NTM: variants seen among roughly 807,000 people sequenced by gnomAD.
NTM encodes IgLON family member 2.
NTM carries 13 observed loss-of-function variants against 42.1 expected under a neutral mutation model. That is an observed-to-expected ratio of 0.31 (90% CI 0.20 to 0.49). The LOEUF (loss-of-function observed/expected upper bound fraction) is 0.49. Ranked by LOEUF, NTM falls within the 20% of genes least tolerant of loss-of-function variation. The probability of loss-of-function intolerance (pLI) is 0.99; values close to 1 mark genes in which losing one functional copy is unlikely to be tolerated. For missense variants in NTM, 373 were observed against 452.8 expected (o/e 0.82, Z 1.60); for synonymous variants, 187 against 179.2 (o/e 1.04, Z -0.35).
At chr11:132,295,111 C>T (rs576047899) in intron 4 of NTM, among the ~76,000 whole-genome samples, 1 of 149,258 alleles carries the variant, frequency 6.7e-6, no homozygotes, top group South Asian at 2.1e-4. Context: ...ATCCAGCCCT[C>T]TCTCTCTCTC....
chr11:131,486,970 C>T (rs1281631973), intron 1 of NTM, among the ~76,000 whole-genome samples: 5 of 152,164 alleles, frequency 3.3e-5, no homozygotes, highest in Admixed American at 6.5e-5. Context: ...TTTGATAACA[C>T]ATTATCCTAT....
At chr11:132,173,427 G>C (rs2076367298) in intron 3 of NTM, among the ~76,000 whole-genome samples, 1 of 152,088 alleles carries the variant, frequency 6.6e-6, no homozygotes, top group South Asian at 2.1e-4. Context: ...TCTATTTATT[G>C]TCTTTGTGTT....
chr11:131,379,025 C>A (rs1411902517), intron 1 of NTM, among the ~76,000 whole-genome samples: 1 of 152,178 alleles, frequency 6.6e-6, no homozygotes, highest in Non-Finnish European at 1.5e-5. Context: ...GTCAGCAGAT[C>A]TAAGAGGCAC....
At chr11:132,025,313 C>T (rs1285977572) in intron 2 of NTM, among the ~76,000 whole-genome samples, 1 of 152,150 alleles carries the variant, frequency 6.6e-6, no homozygotes, top group Non-Finnish European at 1.5e-5. Context: ...TCAGTCTGTT[C>T]TACATTTTAG....
intron 3 of NTM, among the ~76,000 whole-genome samples, chr11:132,153,487 A>T (rs377592288): frequency 1.1e-4 from 17 of 152,260 alleles, no homozygotes; most frequent in African/African-American, 3.6e-4. Context: ...TCATTACCGT[A>T]TTCCTAATGG....
intron 2 of NTM, among the ~76,000 whole-genome samples, chr11:132,049,775 G>A (rs1217919035): frequency 1.3e-5 from 2 of 152,110 alleles, no homozygotes; most frequent in Non-Finnish European, 2.9e-5. Flanking sequence ...AAGCAAGGAG[G>A]GACATTTCAG....
At chr11:131,599,956 A>G (rs2060322348) in intron 1 of NTM, among the ~76,000 whole-genome samples, 1 of 152,216 alleles carries the variant, frequency 6.6e-6, no homozygotes, top group South Asian at 2.1e-4. Context: ...AGTAGACAAC[A>G]ATTGTTATAA....
At chr11:131,723,828 A>ATG (rs377370764) in intron 1 of NTM, among the ~76,000 whole-genome samples, 1,580 of 151,230 alleles carry the variant, frequency 0.01, 19 homozygotes, top group African/African-American at 0.036. Flanking sequence ...GTGTGTGTGC[A>ATG]TGTGTGTGTG....
intron 4 of NTM, among the ~76,000 whole-genome samples, chr11:132,220,627 A>G (rs1407329235): frequency 6.6e-6 from 1 of 152,182 alleles, no homozygotes; most frequent in African/African-American, 2.4e-5. Flanking sequence ...GTTTTACCCA[A>G]TTATTTTAAA....
intron 1 of NTM, among the ~76,000 whole-genome samples, chr11:131,480,433 C>T (rs1591790970): frequency 6.6e-6 from 1 of 152,118 alleles, no homozygotes; most frequent in East Asian, 1.9e-4. Context: ...ATACAGACCC[C>T]CCACCTCCAC....
At chr11:132,058,790 G>A (rs2080141960) in intron 2 of NTM, among the ~76,000 whole-genome samples, 1 of 152,110 alleles carries the variant, frequency 6.6e-6, no homozygotes, top group African/African-American at 2.4e-5. Context: ...CACAGCCCAG[G>A]GCCTGAATCC....
chr11:132,123,145 C>T (rs1161466750), intron 2 of NTM, among the ~76,000 whole-genome samples: 2 of 152,136 alleles, frequency 1.3e-5, no homozygotes, highest in South Asian at 2.1e-4. Flanking sequence ...TGAGGCTGCT[C>T]AACTGCCAGA....
chr11:132,321,981 G>C (rs1249845256), intron 7 of NTM, among the ~76,000 whole-genome samples: 9 of 151,274 alleles, frequency 5.9e-5, no homozygotes, highest in Admixed American at 4.6e-4. Flanking sequence ...CAAATGCTGA[G>C]AGATTTTGTC....
At chr11:131,553,711 C>T (rs2055011831) in intron 1 of NTM, among the ~76,000 whole-genome samples, 1 of 152,168 alleles carries the variant, frequency 6.6e-6, no homozygotes, top group Non-Finnish European at 1.5e-5. Flanking sequence ...GGTGTTTCTA[C>T]TCTCCCGTCT....
intron 1 of NTM, among the ~76,000 whole-genome samples, chr11:131,879,578 G>A (rs1189644596): frequency 1.3e-5 from 2 of 152,132 alleles, no homozygotes; most frequent in Admixed American, 6.5e-5. Flanking sequence ...AGTCCTGCTC[G>A]TCAGCTTTGT....
intron 2 of NTM, among the ~76,000 whole-genome samples, chr11:132,108,865 C>T (rs1366147063): frequency 2.6e-5 from 4 of 152,094 alleles, no homozygotes; most frequent in Non-Finnish European, 5.9e-5. Flanking sequence ...ACTCACCAGC[C>T]CCTGACAGGC....
intron 2 of NTM, among the ~76,000 whole-genome samples, chr11:132,015,670 A>ATTTTATTTTATTTTC (rs2073274880): frequency 6.6e-6 from 1 of 150,928 alleles, no homozygotes; most frequent in South Asian, 2.1e-4. Context: ...ATTTTATTTT[A>ATTTTATTTTATTTTC]TGCAGCTAAT....
At chr11:131,800,468 C>G (rs529033520) in intron 1 of NTM, among the ~76,000 whole-genome samples, 9 of 152,356 alleles carry the variant, frequency 5.9e-5, no homozygotes, top group Admixed American at 4.6e-4. Context: ...AGCAACATAT[C>G]TTTTCTTCTC....
chr11:131,821,602 C>G (rs1249422347), intron 1 of NTM, among the ~76,000 whole-genome samples: 2 of 152,228 alleles, frequency 1.3e-5, no homozygotes, highest in African/African-American at 2.4e-5. Context: ...GTGAGAATCA[C>G]GTAAACAAAG....
Sources: allele counts gnomAD v4.1 joint callset (sites outside exome capture counted in the v4.1 genomes callset), GRCh38; gene constraint gnomAD v4.1.1; transcripts MANE v1.5; gene names NCBI Gene and HGNC (gene_info 2026-07-23, HGNC 2026-07-21).